The following SLCO3A1 variants were observed in gnomAD, a reference collection of about 807,000 sequenced individuals.
SLCO3A1 encodes the protein PGE1 transporter.
SLCO3A1 carries 27 observed loss-of-function variants against 63.1 expected under a neutral mutation model. The ratio of observed to expected loss-of-function variants is 0.43; its 90% CI spans 0.32 to 0.59. The LOEUF is 0.59. Ranked by LOEUF, SLCO3A1 falls within the 20% of genes least tolerant of loss-of-function variation. The pLI is 0.09. For synonymous variants in SLCO3A1, 473 were observed against 409.9 expected (o/e 1.15, Z -1.86); for missense variants, 773 against 945.8 (o/e 0.82, Z 2.40).
chr15:92,148,868 GTGAAAGTGTT>G (rs2048266416), intron 8 of SLCO3A1: 1 of 152,258 alleles, frequency 6.6e-6, no homozygotes, highest in South Asian at 2.1e-4. Context: ...TCTTAAGAAT[GTGAAAGTGTT>G]TATGAAATGA....
chr15:91,960,547 C>G (rs1157180103), intron 2 of SLCO3A1, among the ~76,000 whole-genome samples: 1 of 152,200 alleles, frequency 6.6e-6, no homozygotes, highest in African/African-American at 2.4e-5. Context: ...CGTCCTGTAG[C>G]TCCTAAACTC....
intron 4 of SLCO3A1, among the ~76,000 whole-genome samples, chr15:92,112,138 G>A (rs556187301): frequency 6.6e-6 from 1 of 152,170 alleles, no homozygotes; most frequent in Non-Finnish European, 1.5e-5. Flanking sequence ...CTGGAAGGAT[G>A]AGCAGGATCC....
At chr15:92,141,622 C>G (rs1341727418) in intron 7 of SLCO3A1, among the ~76,000 whole-genome samples, 1 of 152,212 alleles carries the variant, frequency 6.6e-6, no homozygotes, top group Non-Finnish European at 1.5e-5. Context: ...GGGGTATCCC[C>G]TACTTCCCCT....
At chr15:92,026,312 A>T (rs192580890) in intron 2 of SLCO3A1, among the ~76,000 whole-genome samples, 14 of 152,392 alleles carry the variant, frequency 9.2e-5, no homozygotes, top group African/African-American at 3.4e-4. Context: ...TGGAGAAGGC[A>T]GGTGTGTGTT....
At chr15:91,881,094 G>T (rs922959277) in intron 1 of SLCO3A1, among the ~76,000 whole-genome samples, 3 of 152,168 alleles carry the variant, frequency 2.0e-5, no homozygotes, top group African/African-American at 7.2e-5. Context: ...TCTCTTACAA[G>T]AATTGATGGG....
intron 2 of SLCO3A1, among the ~76,000 whole-genome samples, chr15:92,016,065 C>T (rs994120380): frequency 1.3e-5 from 2 of 152,022 alleles, no homozygotes; most frequent in Admixed American, 6.6e-5. Context: ...TTCTGCTAGA[C>T]ATTATAGGGT....
At chr15:92,167,318 T>C (rs55791666), downstream of SLCO3A1, among the ~76,000 whole-genome samples, 56,285 of 152,124 alleles carry the variant, frequency 0.37, 10,628 homozygotes, top group Admixed American at 0.42. Flanking sequence ...CTCTCAACCA[T>C]GATCCATGTT....
rs1445152547 is a variant in SLCO3A1, at chr15:92,151,053, A to G, written c.1753+39A>G. On this transcript the variant is annotated intron_variant, in intron 9 of 9. Transcript: ENST00000318445. ...CTTTATTTCCTCAATAATGAATTGG[A>G]TGCTTATTACTAGGTGAGTAACTGT... is the stretch of plus-strand genomic sequence containing the variant. 4 of 1,385,050 alleles carry G rather than the reference A, an allele frequency of 2.9e-6. No individual in the cohort carries two copies. The East Asian group carries it at 6.9e-5, about 24-fold the overall frequency. 85.8% of individuals were successfully genotyped at this position (1,385,050 alleles called of 1,614,324 possible).
intron 1 of SLCO3A1, among the ~76,000 whole-genome samples, chr15:91,905,200 T>C: frequency 6.6e-6 from 1 of 152,220 alleles, no homozygotes; most frequent in East Asian, 1.9e-4. Context: ...AGAGAAACAG[T>C]AGAACTAGTT....
Position 92,165,823 on chromosome 15 carries a change from T to C in SLCO3A1, c.*2688T>C. The stretch of plus-strand genomic sequence containing the variant: ...CCTCGATTATCTGTTTGGTTTCAAG[T>C]GAATGAAAAGATTTCCTGGTAAGAT... On this transcript the variant is annotated 3_prime_UTR_variant, in exon 10 of 10. Transcript: ENST00000318445. 1.0e-6 allele frequency: 1 copy of C among 985,216 alleles called. No homozygotes were observed. Among genetic ancestry groups the C allele is most frequent in the Non-Finnish European group, 1.2e-6 (1 of 829,766 alleles). The allele number at this position is 985,216 out of a possible 1,614,324, so 61.0% of individuals were successfully genotyped here.
chr15:92,064,967 T>G (rs926620868), intron 2 of SLCO3A1, among the ~76,000 whole-genome samples: 1 of 152,226 alleles, frequency 6.6e-6, no homozygotes, highest in East Asian at 1.9e-4. Context: ...GCAAGGTGAC[T>G]GTAGTTAATA....
intron 3 of SLCO3A1, among the ~76,000 whole-genome samples, chr15:92,103,456 A>G (rs1444206761): frequency 1.3e-5 from 2 of 152,296 alleles, no homozygotes; most frequent in East Asian, 3.9e-4. Context: ...CTTTAAGCAC[A>G]TGAGTTGACT....
chr15:92,091,049 G>T (rs938202435), intron 2 of SLCO3A1, among the ~76,000 whole-genome samples: 3 of 152,170 alleles, frequency 2.0e-5, no homozygotes, highest in South Asian at 2.1e-4. Context: ...CCCTTAGGGG[G>T]TTAGAAAACC....
intron 2 of SLCO3A1, among the ~76,000 whole-genome samples, chr15:92,016,896 G>A (rs890426808): frequency 6.6e-6 from 1 of 152,208 alleles, no homozygotes; most frequent in Non-Finnish European, 1.5e-5. Flanking sequence ...GTGGGATTAA[G>A]ATAAAGACTA....
At chr15:92,054,687 T>TGA (rs1228289189) in intron 2 of SLCO3A1, among the ~76,000 whole-genome samples, 1 of 151,340 alleles carries the variant, frequency 6.6e-6, no homozygotes, top group East Asian at 2.0e-4. Flanking sequence ...CCATTATGAG[T>TGA]GAGAATATGT....
chr15:92,021,612 T>C (rs1451156643), intron 2 of SLCO3A1, among the ~76,000 whole-genome samples: 1 of 152,052 alleles, frequency 6.6e-6, no homozygotes, highest in Non-Finnish European at 1.5e-5. Flanking sequence ...TCCGTAATAG[T>C]TTTATTGGAG....
chr15:91,941,617 A>G lies in SLCO3A1; in HGVS notation c.646+25159A>G, dbSNP rs1201882905. The G allele has an allele frequency of 4.4e-6, 2 of 455,192 alleles. No homozygotes were observed. Among genetic ancestry groups the G allele is most frequent in the Non-Finnish European group, 8.8e-6 (2 of 226,506 alleles). 28.2% of individuals were successfully genotyped at this position (455,192 alleles called of 1,614,324 possible). On this transcript the variant is annotated intron_variant, in intron 2 of 9. Coordinates refer to ENST00000318445, the MANE Select transcript of SLCO3A1 (RefSeq NM_013272.4). This position sits in a 1 kb window ranked among gnomAD's most constrained non-coding sequence, Gnocchi z 4.4. ...TCTTCCTTCGTCTTGGAGGTTTTGA[A>G]GCTTCTAATCTCCCATGGGTTTTGT...
Position 92,033,568 on chromosome 15 carries a change from C to T in SLCO3A1, c.647-61313C>T, listed in dbSNP as rs547699723. On this transcript the variant is annotated intron_variant, in intron 2 of 9. Transcript: ENST00000318445. The surrounding 1 kb of genome is among the most constrained non-coding windows in gnomAD (Gnocchi z 4.5). ...CTGGCATGTGTTCGTTCAGCCCGAG[C>T]TTCCACAGCACACCACATGCTAGCT... 6.6e-5 allele frequency among the ~76,000 whole-genome samples: 10 copies of T among 152,318 alleles called. No homozygotes were observed. The highest frequency in any genetic ancestry group is 6.5e-4 in the Admixed American group (10 of 15,304).
rs1438672757 is a variant in SLCO3A1 at position 91,859,123 on chromosome 15, C to G, written c.180+5035C>G. Among the ~76,000 whole-genome samples the G allele has an allele frequency of 6.6e-6, 1 of 152,222 alleles. No individual in the cohort carries two copies. The highest frequency in any genetic ancestry group is 1.5e-5 in the Non-Finnish European group (1 of 68,034). The stretch of plus-strand genomic sequence containing the variant: ...ACATACGTGTTTGTGTACAGCGTTG[C>G]ATACAATGAATATTGTATGCCATAC... On this transcript the variant is annotated intron_variant, in intron 1 of 9. Transcript: ENST00000318445. The surrounding 1 kb of genome is among the most constrained non-coding windows in gnomAD (Gnocchi z 5.1).
Sources: gnomAD v4.1 joint callset for allele counts (sites outside exome capture counted in the v4.1 genomes callset) on GRCh38, gnomAD v4.1.1 for gene constraint, Gnocchi (gnomAD v3.1) non-coding constraint, MANE v1.5 for transcripts, NCBI Gene and HGNC (gene_info 2026-07-23, HGNC 2026-07-21) for gene names.